The following SEC61A2 variants were observed in gnomAD, a reference collection of about 807,000 sequenced individuals.
SEC61A2 encodes the protein SEC61 translocon subunit alpha 2.
Under a neutral mutation model 59.9 loss-of-function variants are expected in SEC61A2, and 28 were observed. The observed-to-expected ratio is 0.47, with a 90% confidence interval of 0.35 to 0.64. The LOEUF is 0.64. Ranked by LOEUF, SEC61A2 falls within the 30% of genes least tolerant of loss-of-function variation. The pLI, the probability that SEC61A2 is intolerant of heterozygous loss-of-function variation, is 0.01. For missense variants in SEC61A2, 340 were observed against 585.9 expected (o/e 0.58, Z 4.33); for synonymous variants, 202 against 214.4 (o/e 0.94, Z 0.50).
chr10:12,134,434 G>A (rs183236814), intron 2 of SEC61A2, among the ~76,000 whole-genome samples: 5 of 152,274 alleles, frequency 3.3e-5, no homozygotes, highest in Admixed American at 1.3e-4. Context: ...GCCCACCTTC[G>A]CACAGTGCAG....
At position 12,156,833 on chromosome 10, in the gene SEC61A2, C is replaced by T. The variant is rs17151343; in HGVS notation, c.617-74C>T. On this transcript the variant is annotated intron_variant, in intron 7 of 11. Transcript: ENST00000298428. This position sits in a 1 kb window ranked among gnomAD's most constrained non-coding sequence, Gnocchi z 5.2. The stretch of plus-strand genomic sequence containing the variant: ...TATTTTCTGCTGTATACTGGACTTT[C>T]ACGGTTAGTTGTTTGAGCTTTGGGA... The T allele has an allele frequency of 4.0e-6, 6 of 1,499,134 alleles. No homozygotes were observed. Among genetic ancestry groups the T allele is most frequent in the Non-Finnish European group, 5.5e-6 (6 of 1,097,596 alleles). The allele number at this position is 1,499,134 out of a possible 1,614,324, so 92.9% of individuals were successfully genotyped here. A position where few individuals can be genotyped will look rare whatever the true frequency, so the allele number is the denominator to read the frequency against.
chr10:12,129,745 C>T lies in SEC61A2; in HGVS notation c.-43C>T, dbSNP rs1244660226. 5 of 1,484,158 alleles carry T rather than the reference C, an allele frequency of 3.4e-6. No homozygotes were observed. The highest frequency in any genetic ancestry group is 2.3e-5 in the Admixed American group (1 of 43,020). The allele number at this position is 1,484,158 out of a possible 1,614,324, so 91.9% of individuals were successfully genotyped here. A position where few individuals can be genotyped will look rare whatever the true frequency, so the allele number is the denominator to read the frequency against. ...AGCCGCGGGAGTCGAGCGAAGGCAG[C>T]GCCGAGGCCGCGGTTTCCCCCTGGG... On this transcript the variant is annotated 5_prime_UTR_variant, in exon 1 of 12. Coordinates refer to ENST00000298428, the MANE Select transcript of SEC61A2 (RefSeq NM_018144.4). The surrounding 1 kb of genome is among the most constrained non-coding windows in gnomAD (Gnocchi z 5.6).
At position 12,143,514 on chromosome 10, in the gene SEC61A2, C is replaced by A. The variant is rs1322804921; in HGVS notation, c.220+319C>A. 6.6e-6 allele frequency among the ~76,000 whole-genome samples: 1 copy of A among 152,098 alleles called. No individual in the cohort carries two copies. Among genetic ancestry groups the A allele is most frequent in the Non-Finnish European group, 1.5e-5 (1 of 68,018 alleles). ...CTTTGGGAGGCCAAGGTGGGCAGAT[C>A]ACCTGAGGTCAGGAGTTTGAGACCA... On this transcript the variant is annotated intron_variant, in intron 4 of 11. Transcript: ENST00000298428. This position sits in a 1 kb window ranked among gnomAD's most constrained non-coding sequence, Gnocchi z 4.8.
chr10:12,141,425 C>T (rs1834017596), intron 3 of SEC61A2, among the ~76,000 whole-genome samples: 1 of 152,150 alleles, frequency 6.6e-6, no homozygotes, highest in African/African-American at 2.4e-5. Context: ...GTCTAATCCC[C>T]ACATGGTTAA....
Position 12,164,633 on chromosome 10 carries a change from C to T in SEC61A2, c.*179C>T. On this transcript the variant is annotated 3_prime_UTR_variant, in exon 12 of 12. Transcript: ENST00000298428. This position sits in a 1 kb window ranked among gnomAD's most constrained non-coding sequence, Gnocchi z 7.3. ...CTGTGTGCAGCATTAGTACCCGCTG[C>T]CTTAAAACTCAAGTTTACATTATTC... 1.4e-6 allele frequency: 2 copies of T among 1,391,122 alleles called. No individual in the cohort carries two copies. The highest frequency in any genetic ancestry group is 1.7e-5 in the South Asian group (1 of 60,340). The allele number at this position is 1,391,122 out of a possible 1,614,324, so 86.2% of individuals were successfully genotyped here.
chr10:12,134,742 C>T (rs1174941789), intron 2 of SEC61A2, among the ~76,000 whole-genome samples: 1 of 151,458 alleles, frequency 6.6e-6, no homozygotes, highest in African/African-American at 2.4e-5. Context: ...ATGGTGAAGC[C>T]CCGACTCTAC....
At chr10:12,163,223 A>C (rs1040880694) in intron 11 of SEC61A2, among the ~76,000 whole-genome samples, 56 of 148,534 alleles carry the variant, frequency 3.8e-4, no homozygotes, top group African/African-American at 1.3e-3. Flanking sequence ...ATCACAGCTC[A>C]CCGCAGCCTC....
chr10:12,162,597 T>C lies in SEC61A2; in HGVS notation c.1244+308T>C, dbSNP rs1564417568. 2.1e-6 allele frequency: 1 copy of C among 474,070 alleles called. No homozygotes were observed. The highest frequency in any genetic ancestry group is 1.9e-5 in the African/African-American group (1 of 51,296). 29.4% of individuals were successfully genotyped at this position (474,070 alleles called of 1,614,324 possible). Reference sequence around the variant, plus strand: ...AAAGGATTTCCCAGGAACTGTGGCTTATTTGGTCTGGGGTGAGTTCCAGGC... The same window carrying C: ...AAAGGATTTCCCAGGAACTGTGGCTCATTTGGTCTGGGGTGAGTTCCAGGC... On this transcript the variant is annotated intron_variant, in intron 11 of 11. Transcript: ENST00000298428. This position sits in a 1 kb window ranked among gnomAD's most constrained non-coding sequence, Gnocchi z 6.1.
intron 3 of SEC61A2, among the ~76,000 whole-genome samples, chr10:12,138,458 A>G (rs916255312): frequency 1.3e-5 from 2 of 152,166 alleles, no homozygotes; most frequent in African/African-American, 4.8e-5. Context: ...ACAAATTTGT[A>G]CACCCACATG....
chr10:12,131,325 T>G (rs913788958), intron 1 of SEC61A2, among the ~76,000 whole-genome samples: 5 of 152,210 alleles, frequency 3.3e-5, no homozygotes, highest in African/African-American at 1.2e-4. Flanking sequence ...ATCCAGTGTC[T>G]GTAGGGGAAG....
intron 6 of SEC61A2, among the ~76,000 whole-genome samples, chr10:12,150,715 T>A (rs1834250600): frequency 6.6e-6 from 1 of 152,156 alleles, no homozygotes; most frequent in African/African-American, 2.4e-5. Context: ...ATGGGTTTTT[T>A]AAATGGATGC....
Position 12,156,053 on chromosome 10 carries a change from C to A in SEC61A2, c.616+122C>A. The A allele has an allele frequency of 2.1e-6, 2 of 943,060 alleles. No homozygotes were observed. Among genetic ancestry groups the A allele is most frequent in the Non-Finnish European group, 3.3e-6 (2 of 614,250 alleles). The allele number at this position is 943,060 out of a possible 1,614,324, so 58.4% of individuals were successfully genotyped here. A position where few individuals can be genotyped will look rare whatever the true frequency, so the allele number is the denominator to read the frequency against. On this transcript the variant is annotated intron_variant, in intron 7 of 11. Coordinates refer to ENST00000298428, the MANE Select transcript of SEC61A2 (RefSeq NM_018144.4). The surrounding 1 kb of genome is among the most constrained non-coding windows in gnomAD (Gnocchi z 5.2). Reference sequence around the variant, plus strand: ...TTGCTCTCCTAGGGGATAAGGAATGCGAATTCTTCAAAACTTAATGAGCAG... The same window carrying A: ...TTGCTCTCCTAGGGGATAAGGAATGAGAATTCTTCAAAACTTAATGAGCAG...
chr10:12,159,845 T>TC lies in SEC61A2; in HGVS notation c.976-1085_976-1084insC, dbSNP rs201406818. Among the ~76,000 whole-genome samples, 31 of 152,148 alleles carry TC rather than the reference T, an allele frequency of 2.0e-4. No individual in the cohort carries two copies. The East Asian group carries it at 5.2e-3, about 26-fold the overall frequency. On this transcript the variant is annotated intron_variant, in intron 9 of 11. Transcript: ENST00000298428. ...GCATTTGTCTTAATATGCTTTTTTTTTGCATTATAAGTTACAAAGACTCAT... is the reference window on the plus strand; with the variant it reads ...GCATTTGTCTTAATATGCTTTTTTTTCTGCATTATAAGTTACAAAGACTCAT...
At chr10:12,159,516 C>A (rs1361773836) in intron 9 of SEC61A2, among the ~76,000 whole-genome samples, 2 of 152,016 alleles carry the variant, frequency 1.3e-5, no homozygotes, top group African/African-American at 4.8e-5. Context: ...TAGCGAGACC[C>A]CATCTCTACA....
intron 3 of SEC61A2, among the ~76,000 whole-genome samples, chr10:12,137,730 G>A (rs1265020957): frequency 1.3e-5 from 2 of 152,270 alleles, no homozygotes; most frequent in East Asian, 3.9e-4. Context: ...AAGGTGGCTG[G>A]GCATGGTGGC....
rs1297730000 is a variant in SEC61A2, at chr10:12,143,287, G to C, written c.220+92G>C. The C allele has an allele frequency of 1.1e-6, 1 of 902,824 alleles. No individual in the cohort carries two copies. The highest frequency in any genetic ancestry group is 2.2e-4 in the Middle Eastern group (1 of 4,646). 55.9% of individuals were successfully genotyped at this position (902,824 alleles called of 1,614,324 possible). A position where few individuals can be genotyped will look rare whatever the true frequency, so the allele number is the denominator to read the frequency against. On this transcript the variant is annotated intron_variant, in intron 4 of 11. Transcript: ENST00000298428. The surrounding 1 kb of genome is among the most constrained non-coding windows in gnomAD (Gnocchi z 4.8). ...AATGAGTTTTCAATGTCTACAGGGA[G>C]GGGGAGGATATCATTGCCTAGAAAA...
chr10:12,158,797 T>C lies in SEC61A2; in HGVS notation c.975+692T>C, dbSNP rs2131678881. On this transcript the variant is annotated intron_variant, in intron 9 of 11. Coordinates refer to ENST00000298428, the MANE Select transcript of SEC61A2 (RefSeq NM_018144.4). The surrounding 1 kb of genome is among the most constrained non-coding windows in gnomAD (Gnocchi z 5.7). Reference sequence around the variant, plus strand: ...GTGAGATACTGGACTCATCCTAACCTTTCCTATCTCCCACCCTGCCTCCAG... The same window carrying C: ...GTGAGATACTGGACTCATCCTAACCCTTCCTATCTCCCACCCTGCCTCCAG... Among the ~76,000 whole-genome samples the C allele has an allele frequency of 6.6e-6, 1 of 152,256 alleles. No individual in the cohort carries two copies. The highest frequency in any genetic ancestry group is 2.1e-4 in the South Asian group (1 of 4,826).
Position 12,157,934 on chromosome 10 carries a change from G to A in SEC61A2, c.804G>A (p.Lys268=), listed in dbSNP as rs1834442397. 1 of 1,613,900 alleles carries A rather than the reference G, an allele frequency of 6.2e-7. No homozygotes were observed. The highest frequency in any genetic ancestry group is 8.5e-7 in the Non-Finnish European group (1 of 1,180,018). Residue 268 remains lysine (K), a synonymous_variant, in exon 9 of 12, where the codon AAG becomes AAA. Transcript: ENST00000298428. The part of the protein sequence containing the change: ...FQGFRVDLPI[K]SARYRGQYSS... The stretch of plus-strand genomic sequence containing the variant: ...GATTTCGCGTTGATCTGCCCATTAA[G>A]TCGGCCCGTTACCGAGGACAGTACA...
Position 12,161,150 on chromosome 10 carries a change from ACTC to A in SEC61A2, c.1167+30_1167+32del. 6.5e-7 allele frequency: 1 copy of A among 1,543,640 alleles called. No homozygotes were observed. Reference sequence around the variant, plus strand: ...AGTGTTTGGTTTATTTTAAAATAAAACTCTTGGCAATGCATGGTGGCGCACATC... The same window carrying A: ...AGTGTTTGGTTTATTTTAAAATAAAATTGGCAATGCATGGTGGCGCACATC... On this transcript the variant is annotated intron_variant, in intron 10 of 11. Coordinates refer to ENST00000298428, the MANE Select transcript of SEC61A2 (RefSeq NM_018144.4). This position sits in a 1 kb window ranked among gnomAD's most constrained non-coding sequence, Gnocchi z 5.4.
Sources: gnomAD v4.1 joint callset for allele counts (sites outside exome capture counted in the v4.1 genomes callset) on GRCh38, gnomAD v4.1.1 for gene constraint, Gnocchi (gnomAD v3.1) non-coding constraint, MANE v1.5 for transcripts, NCBI Gene and HGNC (gene_info 2026-07-23, HGNC 2026-07-21) for gene names.